Variants in ANKRD18A observed in about 807,000 individuals in gnomAD.
ANKRD18A encodes the protein ankyrin repeat domain 18A, also known as ankyrin repeat domain-containing protein 18A.
In ANKRD18A, 72 loss-of-function variants were observed where a neutral mutation model predicts 110.6. The ratio of observed to expected loss-of-function variants is 0.65; its 90% confidence interval spans 0.54 to 0.79. The LOEUF is 0.79. Among genes scored for constraint, ANKRD18A ranks in the 30% least tolerant of loss-of-function variants. The pLI is 0.00. For missense variants in ANKRD18A, 934 were observed against 1,163.3 expected, an observed-to-expected ratio of 0.80 and a Z score of 2.87; for synonymous variants, 305 against 410.3, an observed-to-expected ratio of 0.74 and a Z score of 3.10.
At chr9:38,576,029 T>G (rs929943280) in intron 14 of ANKRD18A, among the ~76,000 whole-genome samples, 15 of 152,184 alleles carry the variant, frequency 9.9e-5, no homozygotes, top group Non-Finnish European at 1.9e-4. Flanking sequence ...AAAGATTCCT[T>G]TAGATATACT....
chr9:38,592,176 A>G (rs1306859680), intron 10 of ANKRD18A, among the ~76,000 whole-genome samples: 3 of 152,246 alleles, frequency 2.0e-5, no homozygotes, highest in African/African-American at 7.2e-5. Flanking sequence ...AAATACACTT[A>G]GAATAAAAGA....
At chr9:38,612,564 C>T (rs1443477094) in intron 3 of ANKRD18A, among the ~76,000 whole-genome samples, 9 of 147,022 alleles carry the variant, frequency 6.1e-5, no homozygotes, top group African/African-American at 2.2e-4. Flanking sequence ...GTCACCCAGG[C>T]TGCAGTGCAG....
intron 1 of ANKRD18A, among the ~76,000 whole-genome samples, chr9:38,617,013 C>T (rs913138662): frequency 9.9e-5 from 15 of 152,172 alleles, no homozygotes; most frequent in African/African-American, 3.4e-4. Flanking sequence ...ATACTGTATA[C>T]ACAGCAGGTC....
chr9:38,571,830 A>G lies in ANKRD18A; in HGVS notation c.*215T>C. Reference sequence around the variant, plus strand: ...ATCATTTAAAATAACATATAAATATACACCATATGTGACATGAAAATATTC... The same window carrying G: ...ATCATTTAAAATAACATATAAATATGCACCATATGTGACATGAAAATATTC... On this transcript the variant is annotated 3_prime_UTR_variant, in exon 16 of 16. Transcript: ENST00000399703. The G allele has an allele frequency of 1.6e-6, 2 of 1,222,342 alleles. No homozygotes were observed. The highest frequency in any genetic ancestry group is 2.1e-6 in the Non-Finnish European group (2 of 972,444). The allele number at this position is 1,222,342 out of a possible 1,614,324, so 75.7% of individuals were successfully genotyped here. A position where few individuals can be genotyped will look rare whatever the true frequency, so the allele number is the denominator to read the frequency against.
chr9:38,607,061 T>G (rs1825392097), intron 6 of ANKRD18A, among the ~76,000 whole-genome samples: 1 of 152,146 alleles, frequency 6.6e-6, no homozygotes, highest in Admixed American at 6.5e-5. Flanking sequence ...TAATCTCACT[T>G]TTTGTTTTCT....
intron 10 of ANKRD18A, among the ~76,000 whole-genome samples, chr9:38,589,744 T>C (rs2993194): frequency 0.48 from 72,679 of 151,898 alleles, 20,094 homozygotes; most frequent in African/African-American, 0.77. Flanking sequence ...ATGTTGGCCA[T>C]GCTGGTATTG....
chr9:38,607,827 C>T (rs937449062), intron 5 of ANKRD18A, among the ~76,000 whole-genome samples: 1 of 152,220 alleles, frequency 6.6e-6, no homozygotes, highest in African/African-American at 2.4e-5. Context: ...TCTTAGCCTC[C>T]ATGGCTTCTT....
chr9:38,576,990 T>G, intron 14 of ANKRD18A, 63 bp downstream of exon 14: 2 of 1,439,450 alleles, frequency 1.4e-6, no homozygotes, highest in South Asian at 1.3e-5. Flanking sequence ...TCACTAAAAA[T>G]TATGCTTTTA....
At chr9:38,606,138 T>C (rs1825344357) in intron 6 of ANKRD18A, among the ~76,000 whole-genome samples, 1 of 152,220 alleles carries the variant, frequency 6.6e-6, no homozygotes, top group African/African-American at 2.4e-5. Context: ...TCTTCAAAAA[T>C]AATCTCCTAT....
At position 38,574,554 on chromosome 9, in the gene ANKRD18A, T is replaced by A. The variant is rs1823794830; in HGVS notation, c.2964+922A>T. On this transcript the variant is annotated intron_variant, in intron 15 of 15. Transcript: ENST00000399703. ...CTGGTATCAAACTCCTGTCCTCAGG[T>A]GATCCGCCTGCCTCGGCCTCCCAAA... 2.6e-5 allele frequency among the ~76,000 whole-genome samples: 4 copies of A among 152,166 alleles called. No homozygotes were observed. In the South Asian group the frequency reaches 8.3e-4, roughly 32 times the overall value.
rs560131687 is a variant in ANKRD18A at position 38,611,145 on chromosome 9, G to A, written c.602+70C>T. 156 of 1,472,124 alleles carry A rather than the reference G, an allele frequency of 1.1e-4. No individual in the cohort carries two copies. The African/African-American group carries it at 1.9e-3, about 18-fold the overall frequency. 91.2% of individuals were successfully genotyped at this position (1,472,124 alleles called of 1,614,324 possible). On this transcript the variant is annotated intron_variant, in intron 4 of 15. Transcript: ENST00000399703. ...AATCTTATTAACATTTCTGACTTGAGTGACTGTTACCGCTCTAGAACACTC... is the reference window on the plus strand; with the variant it reads ...AATCTTATTAACATTTCTGACTTGAATGACTGTTACCGCTCTAGAACACTC...
At chr9:38,595,346 T>A in intron 9 of ANKRD18A, 140 bp downstream of exon 9, 1 of 885,398 alleles carries the variant, frequency 1.1e-6, no homozygotes, top group South Asian at 2.4e-5. Context: ...ATTTCCTGGA[T>A]GATTCATGTA....
intron 10 of ANKRD18A, among the ~76,000 whole-genome samples, chr9:38,590,093 G>C (rs1284234595): frequency 6.6e-6 from 1 of 151,946 alleles, no homozygotes; most frequent in Non-Finnish European, 1.5e-5. Context: ...AATCTTGAAG[G>C]GGGGCTGTCT....
chr9:38,618,439 C>G (rs1229537650), intron 1 of ANKRD18A, among the ~76,000 whole-genome samples: 1 of 152,144 alleles, frequency 6.6e-6, no homozygotes, highest in Non-Finnish European at 1.5e-5. Flanking sequence ...CTATTGCCAC[C>G]TTCAATGGCC....
At chr9:38,620,047 C>G (rs1465540857) in intron 1 of ANKRD18A, 33 bp downstream of exon 1, 1 of 1,547,428 alleles carries the variant, frequency 6.5e-7, no homozygotes, top group African/African-American at 1.4e-5. Flanking sequence ...GGCCTGCGGC[C>G]CCCTCCCACC....
intron 12 of ANKRD18A, 139 bp from the exon 13 acceptor site, chr9:38,578,287 CTTAAA>C: frequency 2.5e-6 from 2 of 796,730 alleles, no homozygotes; most frequent in Non-Finnish European, 3.7e-6. Flanking sequence ...AATGTGAACC[CTTAAA>C]TTACTCAGAA....
At chr9:38,614,828 G>A (rs1174309921) in intron 3 of ANKRD18A, among the ~76,000 whole-genome samples, 1 of 152,132 alleles carries the variant, frequency 6.6e-6, no homozygotes, top group Admixed American at 6.5e-5. Context: ...GGAGAGTTTA[G>A]ACTCTTATCT....
chr9:38,604,751 T>C (rs939461851), intron 6 of ANKRD18A: 6 of 151,616 alleles, frequency 4.0e-5, no homozygotes, highest in Non-Finnish European at 7.4e-5. Flanking sequence ...GTATAATAAA[T>C]AATAACTATA....
At chr9:38,608,571 A>C (rs1228392455) in intron 5 of ANKRD18A, among the ~76,000 whole-genome samples, 3 of 146,838 alleles carry the variant, frequency 2.0e-5, no homozygotes, top group African/African-American at 4.9e-5. Flanking sequence ...ATAACTATAT[A>C]ATAATAGATT....
Sources: allele counts gnomAD v4.1 joint callset (sites outside exome capture counted in the v4.1 genomes callset), GRCh38; gene constraint gnomAD v4.1.1; transcripts MANE v1.5; gene names NCBI Gene and HGNC (gene_info 2026-07-23, HGNC 2026-07-21).